EXOC4: variants seen among roughly 807,000 people sequenced by gnomAD.
EXOC4 encodes the protein SEC8-like 1.
In EXOC4, 71 loss-of-function variants were observed where a neutral mutation model predicts 107.2. The observed-to-expected ratio is 0.66, with a 90% CI of 0.55 to 0.81. The LOEUF is 0.81. Among genes scored for constraint, EXOC4 ranks in the 30% least tolerant of loss-of-function variants. The pLI is 0.00. For missense variants in EXOC4, 1,108 were observed against 1,189.6 expected (o/e 0.93, Z 1.01); for synonymous variants, 456 against 441.2 (o/e 1.03, Z -0.42).
At chr7:133,555,317 TTA>T (rs1363058090) in intron 9 of EXOC4, among the ~76,000 whole-genome samples, 2 of 152,216 alleles carry the variant, frequency 1.3e-5, no homozygotes, top group African/African-American at 4.8e-5. Flanking sequence ...ACCTATAACT[TTA>T]TTCTTGTTAG....
chr7:133,726,498 C>T (rs1795217975), intron 10 of EXOC4, among the ~76,000 whole-genome samples: 1 of 152,212 alleles, frequency 6.6e-6, no homozygotes, highest in Non-Finnish European at 1.5e-5. Flanking sequence ...TCCCCATTGC[C>T]AACTCCTTGA....
intron 2 of EXOC4, among the ~76,000 whole-genome samples, 198 bp from the exon 3 acceptor site, chr7:133,288,724 G>C (rs1794336928): frequency 6.6e-6 from 1 of 152,186 alleles, no homozygotes; most frequent in Non-Finnish European, 1.5e-5. Flanking sequence ...AGTGAAATTA[G>C]AGAGAGGTGG....
chr7:133,676,732 T>A (rs1794066173), intron 10 of EXOC4, among the ~76,000 whole-genome samples: 1 of 152,174 alleles, frequency 6.6e-6, no homozygotes, highest in Non-Finnish European at 1.5e-5. Flanking sequence ...TAATAGGATA[T>A]CTATGTGGTA....
At chr7:133,645,231 A>G (rs990557880) in intron 10 of EXOC4, among the ~76,000 whole-genome samples, 2 of 151,748 alleles carry the variant, frequency 1.3e-5, no homozygotes, top group African/African-American at 4.8e-5. Context: ...AGCTGGGACT[A>G]CAGGCGTGTG....
rs74345513 is a variant in EXOC4, at chr7:133,414,568, A to G, written c.1182+39566A>G. Among the ~76,000 whole-genome samples the G allele has an allele frequency of 1.8e-4, 28 of 152,310 alleles. No homozygotes were observed. In the East Asian group the frequency reaches 5.4e-3, roughly 29 times the overall value. On this transcript the variant is annotated intron_variant, in intron 7 of 17. Coordinates refer to ENST00000253861, the MANE Select transcript of EXOC4 (RefSeq NM_021807.4). ...AAATAGAAAGAAAGCAGAGGAATGCATAAATGTAGGGTGATGTTTCCTCCA... is the reference window on the plus strand; with the variant it reads ...AAATAGAAAGAAAGCAGAGGAATGCGTAAATGTAGGGTGATGTTTCCTCCA...
At chr7:133,326,085 A>G (rs1357243106) in intron 5 of EXOC4, among the ~76,000 whole-genome samples, 1 of 152,072 alleles carries the variant, frequency 6.6e-6, no homozygotes, top group East Asian at 1.9e-4. Context: ...GGACTTCTCT[A>G]CATTGGTTAT....
At chr7:134,054,041 G>C (rs1192513017) in intron 17 of EXOC4, among the ~76,000 whole-genome samples, 3 of 152,124 alleles carry the variant, frequency 2.0e-5, no homozygotes, top group Non-Finnish European at 1.5e-5. Context: ...CACCTCCCAG[G>C]TTCAAGCAAT....
chr7:134,079,590 G>C, the EXOC4 span, among the ~76,000 whole-genome samples: 26 of 152,174 alleles, frequency 1.7e-4, no homozygotes, highest in African/African-American at 6.0e-4. Flanking sequence ...TGGAGAGTGT[G>C]TTCTGGAAGG....
chr7:133,717,949 T>C (rs1378358662), intron 10 of EXOC4, among the ~76,000 whole-genome samples: 1 of 152,174 alleles, frequency 6.6e-6, no homozygotes, highest in African/African-American at 2.4e-5. Flanking sequence ...CAGGGACTTC[T>C]TCACAGAGGG....
At chr7:134,053,868 A>G (rs1014363572) in intron 17 of EXOC4, among the ~76,000 whole-genome samples, 6 of 152,110 alleles carry the variant, frequency 3.9e-5, no homozygotes, top group African/African-American at 1.2e-4. Flanking sequence ...CAAAAGAAGA[A>G]CTATGAAGTA....
chr7:133,292,367 G>A (rs1794427406), intron 3 of EXOC4, among the ~76,000 whole-genome samples: 1 of 152,070 alleles, frequency 6.6e-6, no homozygotes, highest in African/African-American at 2.4e-5. Context: ...ATCTTCATTT[G>A]TGTCCTTTGA....
intron 10 of EXOC4, among the ~76,000 whole-genome samples, chr7:133,659,000 CTTTTTTTTTTTTTTTTTT>C (rs397890140): frequency 5.0e-5 from 2 of 40,108 alleles, no homozygotes; most frequent in Non-Finnish European, 8.3e-5. Flanking sequence ...TTCAGAGAAG[CTTTTTTTTTTTTTTTTTT>C]TTTTTTTTTT....
chr7:133,265,886 A>G (rs1484938453), intron 1 of EXOC4, among the ~76,000 whole-genome samples: 2 of 152,206 alleles, frequency 1.3e-5, no homozygotes, highest in African/African-American at 2.4e-5. Flanking sequence ...CTGGGGCTGT[A>G]TTAGGCAGCT....
intron 7 of EXOC4, among the ~76,000 whole-genome samples, chr7:133,464,811 G>GTTTTTTTTTTTTTTTTTTTTGTTTTTTTT (rs1798683427): frequency 1.9e-5 from 1 of 51,298 alleles, no homozygotes; most frequent in African/African-American, 8.3e-5. Flanking sequence ...GGTTGGGTTG[G>GTTTTTTTTTTTTTTTTTTTTGTTTTTTTT]TTTTTTTTTT....
intron 11 of EXOC4, among the ~76,000 whole-genome samples, chr7:133,858,491 G>A (rs1206490467): frequency 6.6e-6 from 1 of 152,108 alleles, no homozygotes; most frequent in Non-Finnish European, 1.5e-5. Flanking sequence ...GTGGGTAGTG[G>A]ATTCTCCCGG....
chr7:133,605,175 C>G (rs992118222), intron 9 of EXOC4, among the ~76,000 whole-genome samples: 2 of 152,308 alleles, frequency 1.3e-5, no homozygotes, highest in South Asian at 4.1e-4. Context: ...TTCATCAATT[C>G]TTCAACAAAT....
At position 133,422,379 on chromosome 7, in the gene EXOC4, G is replaced by A. The variant is rs948443086; in HGVS notation, c.1182+47377G>A. On this transcript the variant is annotated intron_variant, in intron 7 of 17. Coordinates refer to ENST00000253861, the MANE Select transcript of EXOC4 (RefSeq NM_021807.4). ...GTTTAAGCTTGGTTTTAGAGGTTTT[G>A]TCTTCCTTATAGCTTGTATCATGTA... Among the ~76,000 whole-genome samples the A allele has an allele frequency of 3.0e-4, 45 of 152,128 alleles. 1 individual carries two copies. The highest frequency in any genetic ancestry group is 3.8e-4 in the Non-Finnish European group (26 of 68,006).
At chr7:133,870,144 G>A (rs190776847) in intron 11 of EXOC4, among the ~76,000 whole-genome samples, 289 of 152,242 alleles carry the variant, frequency 1.9e-3, no homozygotes, top group Non-Finnish European at 3.2e-3. Context: ...AGATTGTTAA[G>A]TGTGCATCCC....
intron 14 of EXOC4, among the ~76,000 whole-genome samples, chr7:133,978,965 T>C (rs1165271370): frequency 6.6e-6 from 1 of 152,240 alleles, no homozygotes; most frequent in African/African-American, 2.4e-5. Context: ...CACAAGGGTA[T>C]GTTCCCATTT....
Sources: allele counts gnomAD v4.1 joint callset (sites outside exome capture counted in the v4.1 genomes callset), GRCh38; gene constraint gnomAD v4.1.1; transcripts MANE v1.5; gene names NCBI Gene and HGNC (gene_info 2026-07-23, HGNC 2026-07-21).